The following NREP variants were observed in gnomAD, a reference collection of about 807,000 sequenced individuals.
NREP encodes neuronal regeneration-related protein.
NREP carries 5 observed loss-of-function variants against 8.6 expected under a neutral mutation model. The observed-to-expected ratio is 0.58, with a 90% CI of 0.30 to 1.22. The LOEUF (loss-of-function observed/expected upper bound fraction) is 1.22, where lower values mean the gene tolerates loss of function less well. Ranked by LOEUF, NREP falls within the 50% of genes most tolerant of loss-of-function variation. The probability of loss-of-function intolerance (pLI) is 0.07; values close to 1 mark genes in which losing one functional copy is unlikely to be tolerated. For synonymous variants in NREP, 27 were observed against 28.0 expected (o/e 0.96, Z 0.11); for missense variants, 86 against 82.5 (o/e 1.04, Z -0.17).
intron 2 of NREP, among the ~76,000 whole-genome samples, chr5:111,894,415 C>G (rs1389583085): frequency 6.6e-6 from 1 of 150,816 alleles, no homozygotes; most frequent in Non-Finnish European, 1.5e-5. Context: ...TAAATGCATT[C>G]TAATCAGGTT....
chr5:111,763,481 T>A (rs1751012571), intron 2 of NREP, among the ~76,000 whole-genome samples: 1 of 152,162 alleles, frequency 6.6e-6, no homozygotes. Flanking sequence ...TAATTGTAAA[T>A]CCCTGGAAAA....
At chr5:111,907,957 C>G (rs1204764127) in intron 2 of NREP, among the ~76,000 whole-genome samples, 4 of 151,990 alleles carry the variant, frequency 2.6e-5, no homozygotes, top group Non-Finnish European at 5.9e-5. Flanking sequence ...TGAGAAAATA[C>G]TAATGAGTAT....
chr5:111,772,753 C>T (rs1751261002), intron 2 of NREP, among the ~76,000 whole-genome samples: 1 of 152,076 alleles, frequency 6.6e-6, no homozygotes, highest in East Asian at 1.9e-4. Context: ...TCACTTCTGA[C>T]TCAGCACCTG....
chr5:111,770,409 C>T (rs1751189186), intron 2 of NREP, among the ~76,000 whole-genome samples: 4 of 152,108 alleles, frequency 2.6e-5, no homozygotes, highest in Non-Finnish European at 5.9e-5. Flanking sequence ...CTTTAGAATT[C>T]ATTTGAGGTT....
At chr5:111,797,052 A>C (rs191016347) in intron 2 of NREP, among the ~76,000 whole-genome samples, 74 of 149,338 alleles carry the variant, frequency 5.0e-4, no homozygotes, top group African/African-American at 1.8e-3. Flanking sequence ...ACGCAAGCGC[A>C]GTGTCTACTA....
At chr5:111,811,860 C>T (rs1752277225) in intron 2 of NREP, among the ~76,000 whole-genome samples, 1 of 151,846 alleles carries the variant, frequency 6.6e-6, no homozygotes, top group Non-Finnish European at 1.5e-5. Context: ...GATACTGAGT[C>T]CCAGAGAAGC....
intron 2 of NREP, among the ~76,000 whole-genome samples, chr5:111,779,065 A>G (rs922482428): frequency 3.3e-5 from 5 of 152,188 alleles, no homozygotes; most frequent in Non-Finnish European, 5.9e-5. Context: ...AAAAAAGAGT[A>G]CATAAACTTA....
At chr5:111,809,632 C>A (rs1752223696) in intron 2 of NREP, among the ~76,000 whole-genome samples, 1 of 152,116 alleles carries the variant, frequency 6.6e-6, no homozygotes, top group African/African-American at 2.4e-5. Flanking sequence ...ATCCACTTCC[C>A]CTTTGACCTT....
At chr5:111,764,474 A>G (rs770131222) in intron 2 of NREP, among the ~76,000 whole-genome samples, 12 of 152,184 alleles carry the variant, frequency 7.9e-5, no homozygotes, top group Admixed American at 7.9e-4. Context: ...GCAGCAGGCA[A>G]AGAGAGAGCT....
At chr5:111,798,145 A>G (rs919620822) in intron 2 of NREP, among the ~76,000 whole-genome samples, 1 of 152,182 alleles carries the variant, frequency 6.6e-6, no homozygotes, top group African/African-American at 2.4e-5. Context: ...ACAACTTACT[A>G]TCTTATTTTT....
At chr5:111,749,277 T>C (rs1238424921) in intron 2 of NREP, among the ~76,000 whole-genome samples, 1 of 152,146 alleles carries the variant, frequency 6.6e-6, no homozygotes, top group Non-Finnish European at 1.5e-5. Context: ...CAAGGAGCAA[T>C]GCTTACCTAT....
At chr5:111,740,151 G>A (rs1430401069) in intron 2 of NREP, among the ~76,000 whole-genome samples, 2 of 152,050 alleles carry the variant, frequency 1.3e-5, no homozygotes, top group Non-Finnish European at 2.9e-5. Context: ...CTTTTTCTAT[G>A]ATGCTATATT....
At chr5:111,934,049 T>C (rs1204338574) in intron 2 of NREP, among the ~76,000 whole-genome samples, 2 of 152,140 alleles carry the variant, frequency 1.3e-5, no homozygotes, top group South Asian at 2.1e-4. Flanking sequence ...AAGCAGAGGC[T>C]TTTAAAGGGG....
chr5:111,765,061 T>A (rs1347051540), intron 2 of NREP, among the ~76,000 whole-genome samples: 1 of 152,182 alleles, frequency 6.6e-6, no homozygotes, highest in African/African-American at 2.4e-5. Context: ...AAATCAGCAT[T>A]CTCCAACCTT....
chr5:111,913,309 C>A (rs992620766), intron 2 of NREP, among the ~76,000 whole-genome samples: 1 of 152,030 alleles, frequency 6.6e-6, no homozygotes, highest in Non-Finnish European at 1.5e-5. Flanking sequence ...TATAAAATAT[C>A]CTTCTAAAAT....
intron 2 of NREP, among the ~76,000 whole-genome samples, chr5:111,744,086 A>G (rs2112822212): frequency 6.6e-6 from 1 of 152,266 alleles, no homozygotes; most frequent in East Asian, 1.9e-4. Flanking sequence ...GCGATTTCAA[A>G]GCATTCCTCT....
At chr5:111,915,534 C>G (rs1053122625) in intron 2 of NREP, among the ~76,000 whole-genome samples, 2 of 152,018 alleles carry the variant, frequency 1.3e-5, no homozygotes, top group Non-Finnish European at 2.9e-5. Flanking sequence ...GTCCTAGTGC[C>G]TCTCTTCCAA....
At chr5:111,872,435 T>C (rs1753812057) in intron 2 of NREP, among the ~76,000 whole-genome samples, 1 of 152,196 alleles carries the variant, frequency 6.6e-6, no homozygotes, top group Non-Finnish European at 1.5e-5. Context: ...GAAACACCTA[T>C]AATGACATTT....
intron 2 of NREP, among the ~76,000 whole-genome samples, chr5:111,858,693 C>A (rs1286099854): frequency 6.6e-6 from 1 of 152,018 alleles, no homozygotes; most frequent in African/African-American, 2.4e-5. Context: ...ATCATAAGGT[C>A]TGATTCATTC....
Sources: gnomAD v4.1 joint callset for allele counts (sites outside exome capture counted in the v4.1 genomes callset) on GRCh38, gnomAD v4.1.1 for gene constraint, MANE v1.5 for transcripts, NCBI Gene and HGNC (gene_info 2026-07-23, HGNC 2026-07-21) for gene names.